VPS8: variants seen among roughly 807,000 people sequenced by gnomAD.
The protein encoded by VPS8 is VPS8 subunit of CORVET complex.
In VPS8, 129 loss-of-function variants were observed where a neutral mutation model predicts 216.4. That is an observed-to-expected ratio of 0.60 (90% CI 0.52 to 0.69). VPS8 has a LOEUF of 0.69. VPS8 is among the 30% of genes least tolerant of loss of function. VPS8 has a pLI of 0.00. For synonymous variants in VPS8, 571 were observed against 565.4 expected (o/e 1.01, Z -0.14); for missense variants, 1,531 against 1,683.5 (o/e 0.91, Z 1.59).
chr3:184,945,746 G>A (rs966772629), intron 36 of VPS8, among the ~76,000 whole-genome samples: 1 of 152,178 alleles, frequency 6.6e-6, no homozygotes, highest in African/African-American at 2.4e-5. Context: ...CAATATTACA[G>A]TAGAGAAAGA....
At chr3:184,814,020 C>T (rs551322537) in intron 1 of VPS8, among the ~76,000 whole-genome samples, 2 of 152,166 alleles carry the variant, frequency 1.3e-5, no homozygotes, top group East Asian at 1.9e-4. Context: ...CTTATCTTCA[C>T]GCTGTATGAC....
chr3:184,829,990 G>T (rs1018717731), intron 3 of VPS8, among the ~76,000 whole-genome samples: 1 of 152,010 alleles, frequency 6.6e-6, no homozygotes, highest in Admixed American at 6.5e-5. Flanking sequence ...TTCTTTTGAG[G>T]AGCACAAGTT....
chr3:185,036,291 C>T (rs1212651998), intron 46 of VPS8, among the ~76,000 whole-genome samples: 1 of 152,010 alleles, frequency 6.6e-6, no homozygotes, highest in African/African-American at 2.4e-5. Context: ...AAAAAAAGAC[C>T]ATGAATAGCC....
chr3:184,868,870 T>G, intron 18 of VPS8, 76 bp from the exon 19 acceptor site: 1 of 1,327,594 alleles, frequency 7.5e-7, no homozygotes, highest in Non-Finnish European at 1.0e-6. Flanking sequence ...TCTGGAAGGA[T>G]TTTAGGTGGA....
intron 40 of VPS8, among the ~76,000 whole-genome samples, chr3:184,975,843 G>A (rs1486993903): frequency 6.6e-6 from 1 of 152,124 alleles, no homozygotes; most frequent in Admixed American, 6.5e-5. Context: ...TTGATGTGAT[G>A]TATCACATTT....
chr3:184,958,973 G>A (rs1178659285), intron 37 of VPS8, among the ~76,000 whole-genome samples: 1 of 152,098 alleles, frequency 6.6e-6, no homozygotes, highest in African/African-American at 2.4e-5. Flanking sequence ...GGCCATTTAG[G>A]CTTTTTAAAA....
chr3:184,867,853 A>AT (rs1434534086), intron 17 of VPS8, among the ~76,000 whole-genome samples, 171 bp from the exon 18 acceptor site: 1 of 152,218 alleles, frequency 6.6e-6, no homozygotes, highest in Non-Finnish European at 1.5e-5. Flanking sequence ...CTCAAAAAAA[A>AT]GAAAAGCGTT....
At chr3:184,849,229 A>AT (rs1287393618) in intron 9 of VPS8, 34 bp downstream of exon 9, 8 of 1,590,618 alleles carry the variant, frequency 5.0e-6, no homozygotes. Context: ...TCATAAGACA[A>AT]TGTTAAAACA....
At chr3:184,987,194 A>G (rs1157065313) in intron 42 of VPS8, among the ~76,000 whole-genome samples, 1 of 152,122 alleles carries the variant, frequency 6.6e-6, no homozygotes, top group Non-Finnish European at 1.5e-5. Context: ...GCTCACTGCA[A>G]CGTCCACCTC....
Position 184,984,183 on chromosome 3 carries a change from C to CAAAAAAAAAAAAAAAAAAAAACAAAA in VPS8, c.3585+1100_3585+1101insAAAAAAAAAACAAAAAAAAAAAAAAA, listed in dbSNP as rs1453935100. Among the ~76,000 whole-genome samples the CAAAAAAAAAAAAAAAAAAAAACAAAA allele has an allele frequency of 6.9e-4, 2 of 2,878 alleles. 1 individual carries two copies. Among genetic ancestry groups the CAAAAAAAAAAAAAAAAAAAAACAAAA allele is most frequent in the Non-Finnish European group, 9.9e-4 (2 of 2,014 alleles). 1.9% of individuals were successfully genotyped at this position (2,878 alleles called of 152,430 possible). Reference sequence around the variant, plus strand: ...TGGGCAACAGAGCGAGACTCCGTCTCAAAAAAAAAAACTCTACTTCCCATC... The same window carrying CAAAAAAAAAAAAAAAAAAAAACAAAA: ...TGGGCAACAGAGCGAGACTCCGTCTCAAAAAAAAAAAAAAAAAAAAACAAAAAAAAAAAAAAACTCTACTTCCCATC... On this transcript the variant is annotated intron_variant, in intron 42 of 47. Coordinates refer to ENST00000625842, the MANE Select transcript of VPS8 (RefSeq NM_001009921.3).
intron 11 of VPS8, 88 bp downstream of exon 11, chr3:184,852,655 C>T: frequency 7.9e-7 from 1 of 1,265,218 alleles, no homozygotes; most frequent in Non-Finnish European, 1.1e-6. Context: ...GACTAGAAAG[C>T]CCCTGTAATT....
chr3:184,862,990 A>G lies in VPS8; in HGVS notation c.1318A>G (p.Ile440Val), dbSNP rs780500415. 6.2e-7 allele frequency: 1 copy of G among 1,613,988 alleles called. No homozygotes were observed. Among genetic ancestry groups the G allele is most frequent in the East Asian group, 2.2e-5 (1 of 44,882 alleles). Residue 440 changes from isoleucine (I) to valine (V), a missense_variant, in exon 16 of 48, where the codon ATC (isoleucine) becomes GTC (valine). Physicochemically the swap from Ile to Val is conservative, Grantham distance 29. Around this residue, in one of 3 missense-constraint regions of VPS8, gnomAD observed 1,318 missense variants for 1,468.4 expected, o/e 0.90. Coordinates refer to ENST00000625842, the MANE Select transcript of VPS8 (RefSeq NM_001009921.3). ...QTQEELETVE[I>V]SEVQLVYNSS... ...ACAAGAGGAATTGGAGACAGTGGAGATCTCAGAAGTTCAGCTGGTCTACAA... is the reference window on the plus strand; with the variant it reads ...ACAAGAGGAATTGGAGACAGTGGAGGTCTCAGAAGTTCAGCTGGTCTACAA...
At chr3:185,026,630 C>T (rs770376670) in intron 46 of VPS8, among the ~76,000 whole-genome samples, 5 of 150,676 alleles carry the variant, frequency 3.3e-5, no homozygotes, top group Non-Finnish European at 7.4e-5. Context: ...CAGCTGGTCT[C>T]GAACTCCTGA....
intron 37 of VPS8, 106 bp downstream of exon 37, chr3:184,957,627 C>G: frequency 1.5e-6 from 2 of 1,333,590 alleles, no homozygotes; most frequent in Non-Finnish European, 2.0e-6. Context: ...CTTTTTTAAA[C>G]CTTATAAATT....
intron 45 of VPS8, among the ~76,000 whole-genome samples, chr3:185,014,397 C>G (rs1039344271): frequency 2.0e-5 from 3 of 152,166 alleles, no homozygotes; most frequent in Non-Finnish European, 4.4e-5. Flanking sequence ...GTCTCTTCCT[C>G]GGCATCTGGC....
intron 10 of VPS8, 96 bp from the exon 11 acceptor site, chr3:184,852,404 G>A: frequency 1.0e-6 from 1 of 967,690 alleles, no homozygotes. Context: ...GCTATTAAAT[G>A]TGTATATTGT....
At chr3:184,868,849 AAGC>A (rs1158184866) in intron 18 of VPS8, 94 bp from the exon 19 acceptor site, 2 of 1,005,666 alleles carry the variant, frequency 2.0e-6, no homozygotes, top group Non-Finnish European at 3.0e-6. Context: ...TTTAGCCACT[AAGC>A]AGCAACTTCT....
chr3:184,812,606 C>G (rs1211580066), intron 1 of VPS8: 1 of 152,274 alleles, frequency 6.6e-6, no homozygotes, highest in Non-Finnish European at 1.5e-5. Context: ...TTGTGTATCT[C>G]TCCCTTTCTG....
At chr3:185,050,485 C>T (rs1713965073) in intron 47 of VPS8, among the ~76,000 whole-genome samples, 1 of 114,386 alleles carries the variant, frequency 8.7e-6, no homozygotes, top group Non-Finnish European at 1.8e-5. Context: ...AGAAGTGACA[C>T]ATGGACACGT....
Sources: allele counts gnomAD v4.1 joint callset (sites outside exome capture counted in the v4.1 genomes callset), GRCh38; gene constraint gnomAD v4.1.1; regional missense constraint gnomAD v4.1.1; transcripts MANE v1.5; gene names NCBI Gene and HGNC (gene_info 2026-07-23, HGNC 2026-07-21).